Variants in CEP152 observed in about 807,000 individuals in gnomAD.
The protein encoded by CEP152 is centrosomal protein 152.
In CEP152, 132 loss-of-function variants were observed where a neutral mutation model predicts 188.9. That is an observed-to-expected ratio of 0.70 (90% CI 0.61 to 0.81). CEP152 has a LOEUF of 0.81. Among genes scored for constraint, CEP152 ranks in the 30% least tolerant of loss-of-function variants. CEP152 has a pLI of 0.00. For missense variants in CEP152, 1,914 were observed against 1,969.8 expected (o/e 0.97, Z 0.54); for synonymous variants, 649 against 666.6 (o/e 0.97, Z 0.41).
rs772184899 is a variant in CEP152, at chr15:48,784,007, C to G, written c.1287G>C (p.Glu429Asp). Residue 429 changes from glutamate (E) to aspartate (D), a missense_variant, in exon 10 of 27, where the codon GAG becomes GAC. Physicochemically the swap from Glu to Asp is conservative, Grantham distance 45. Transcript: ENST00000380950. ...ACAAGTGGGCACACTGCTTTTGACT[C>G]TCCTCTAGACTTCTTGTCAACTTAT... ...IINKLTRSLEESQKQCAHLLQ... is the reference protein window; with the variant it reads ...IINKLTRSLEDSQKQCAHLLQ... 4.3e-6 allele frequency: 7 copies of G among 1,613,674 alleles called. No homozygotes were observed. The highest frequency in any genetic ancestry group is 5.9e-6 in the Non-Finnish European group (7 of 1,179,922).
At chr15:48,804,706 TCTATTCAC>T in intron 2 of CEP152, among the ~76,000 whole-genome samples, 1 of 152,366 alleles carries the variant, frequency 6.6e-6, no homozygotes, top group East Asian at 1.9e-4. Flanking sequence ...CCTTCTATAA[TCTATTCAC>T]CATGCAGCCT....
chr15:48,764,161 G>C (rs1894893990), intron 17 of CEP152, among the ~76,000 whole-genome samples: 1 of 152,160 alleles, frequency 6.6e-6, no homozygotes, highest in Non-Finnish European at 1.5e-5. Flanking sequence ...TCTAAAGTTA[G>C]TACCACATTT....
At chr15:48,756,576 T>C in intron 19 of CEP152, 23 bp from the exon 20 acceptor site, 1 of 1,600,018 alleles carries the variant, frequency 6.2e-7, no homozygotes, top group Non-Finnish European at 8.5e-7. Context: ...ACAACATGCA[T>C]TTTGAAAGTC....
chr15:48,791,312 T>G lies in CEP152; in HGVS notation c.897A>C (p.Glu299Asp). The change falls in exon 8 of 27, where the codon GAA (glutamate) becomes GAC (aspartate). Residue 299 changes from glutamate (E) to aspartate (D), a missense_variant. Transcript: ENST00000380950. ...ESQKLFQNGK[E>D]REIQLEAQIK... ...TTTGAGCTTCAAGCTGTATCTCTCTTTCTTTTCCATTCTGAAAGAGTTTCT... is the reference window on the plus strand; with the variant it reads ...TTTGAGCTTCAAGCTGTATCTCTCTGTCTTTTCCATTCTGAAAGAGTTTCT... 1 of 1,613,000 alleles carries G rather than the reference T, an allele frequency of 6.2e-7. No individual in the cohort carries two copies. Among genetic ancestry groups the G allele is most frequent in the Non-Finnish European group, 8.5e-7 (1 of 1,179,696 alleles).
intron 19 of CEP152, among the ~76,000 whole-genome samples, chr15:48,758,654 G>A (rs1595620485): frequency 6.9e-6 from 1 of 145,926 alleles, no homozygotes; most frequent in East Asian, 2.1e-4. Flanking sequence ...AGGAGGTAGA[G>A]GTTGCAGTGA....
chr15:48,752,801 T>C (rs1893972753), intron 20 of CEP152, among the ~76,000 whole-genome samples: 2 of 152,202 alleles, frequency 1.3e-5, no homozygotes, highest in South Asian at 2.1e-4. Context: ...AAAGACAATA[T>C]AAAATCAGAA....
Position 48,748,458 on chromosome 15 carries a change from C to G in CEP152, c.3619G>C (p.Val1207Leu). The G allele has an allele frequency of 6.5e-7, 1 of 1,532,056 alleles. No homozygotes were observed. Among genetic ancestry groups the G allele is most frequent in the East Asian group, 2.4e-5 (1 of 40,844 alleles). 94.9% of individuals were successfully genotyped at this position (1,532,056 alleles called of 1,614,324 possible). A position where few individuals can be genotyped will look rare whatever the true frequency, so the allele number is the denominator to read the frequency against. ...QHLERKHKAV[V>L]EKIGEENNKV... is the part of the protein sequence containing the mutation. The stretch of plus-strand genomic sequence containing the variant: ...AAATGCTAACCTCCAATTTTTTCCA[C>G]TACAGCTTTGTGCTTCCTTTCTAAA... Residue 1207 changes from valine (V) to leucine (L), a missense_variant, in exon 22 of 27, where the codon GTG becomes CTG. Transcript: ENST00000380950.
At position 48,742,065 on chromosome 15, in the gene CEP152, G is replaced by A. The variant is rs367936668; in HGVS notation, c.3871C>T (p.Arg1291Ter). ...TCTGCTTTTACCATTTCTGCAGCTCGTTCCTTACTCTCCTGAATATAACGA... is the reference window on the plus strand; with the variant it reads ...TCTGCTTTTACCATTTCTGCAGCTCATTCCTTACTCTCCTGAATATAACGA... The part of the protein sequence containing the change: ...MLRYIQESKE[R>*]AAEMVKAEVL... The change falls in exon 25 of 27, where the codon CGA (arginine) becomes TGA (stop). Residue 1291 changes from arginine to a stop codon, truncating the protein, a stop_gained. Coordinates refer to ENST00000380950, the MANE Select transcript of CEP152 (RefSeq NM_001194998.2). LOFTEE classifies it high-confidence loss of function. 7 of 1,613,852 alleles carry A rather than the reference G, an allele frequency of 4.3e-6. No individual in the cohort carries two copies. The highest frequency in any genetic ancestry group is 4.0e-5 in the African/African-American group (3 of 74,856).
intron 12 of CEP152, among the ~76,000 whole-genome samples, chr15:48,777,350 A>T (rs1434513340): frequency 1.3e-5 from 2 of 152,112 alleles, no homozygotes; most frequent in African/African-American, 4.8e-5. Flanking sequence ...CTGTAAATTA[A>T]AAACTGTTCC....
chr15:48,774,059 A>G (rs535881360), intron 12 of CEP152, among the ~76,000 whole-genome samples: 24 of 151,888 alleles, frequency 1.6e-4, no homozygotes, highest in Non-Finnish European at 3.1e-4. Flanking sequence ...GAAGATACAG[A>G]AAAGACTCAA....
At chr15:48,751,775 T>C (rs1893891803) in intron 21 of CEP152, among the ~76,000 whole-genome samples, 1 of 152,192 alleles carries the variant, frequency 6.6e-6, no homozygotes, top group African/African-American at 2.4e-5. Flanking sequence ...ATAAGTCCTA[T>C]ACTCCTCAGT....
rs1467715886 is a variant in CEP152 at position 48,793,358 on chromosome 15, T to G, written c.795A>C (p.Gln265His). ...CAAGCTGGTGATTCAGATATCGAAT[T>G]TGACGTTCACTTTCATTTAACTTTT... is the stretch of plus-strand genomic sequence containing the variant. ...LIEKLNESERQIRYLNHQLVI... is the reference protein window; with the variant it reads ...LIEKLNESERHIRYLNHQLVI... Residue 265 changes from glutamine (Q) to histidine (H), a missense_variant, in exon 7 of 27, where the codon CAA (glutamine) becomes CAC (histidine). Coordinates refer to ENST00000380950, the MANE Select transcript of CEP152 (RefSeq NM_001194998.2). 6.2e-7 allele frequency: 1 copy of G among 1,613,948 alleles called. No homozygotes were observed. The highest frequency in any genetic ancestry group is 1.7e-5 in the Admixed American group (1 of 60,006).
In CEP152 at chr15:48,793,548, T is replaced by A. The variant is rs1595689983; in HGVS notation, c.692-87A>T. On this transcript the variant is annotated intron_variant, in intron 6 of 26. Transcript: ENST00000380950. ...AAAGCAGTGTTTTTCAAACTGTGAC[T>A]ACAACCTTTTAGAGCATCATGAAAT... The A allele has an allele frequency of 2.6e-6, 3 of 1,153,840 alleles. No homozygotes were observed. In the East Asian group the frequency reaches 7.6e-5, roughly 29 times the overall value. The allele number at this position is 1,153,840 out of a possible 1,614,324, so 71.5% of individuals were successfully genotyped here.
intron 10 of CEP152, among the ~76,000 whole-genome samples, chr15:48,783,600 T>G (rs1470794074): frequency 6.6e-6 from 1 of 152,112 alleles, no homozygotes; most frequent in East Asian, 1.9e-4. Flanking sequence ...CAGGACATTG[T>G]CTATGTGTGT....
chr15:48,769,785 T>C (rs998780904), intron 13 of CEP152, among the ~76,000 whole-genome samples: 6 of 152,222 alleles, frequency 3.9e-5, no homozygotes, highest in African/African-American at 1.4e-4. Flanking sequence ...CACGGACATA[T>C]ATTTTATTCA....
At chr15:48,782,070 T>G in intron 11 of CEP152, 69 bp downstream of exon 11, 8 of 1,408,438 alleles carry the variant, frequency 5.7e-6, no homozygotes, top group Non-Finnish European at 8.0e-6. Flanking sequence ...AACCCAAGAT[T>G]CAAAAAGGTG....
intron 2 of CEP152, among the ~76,000 whole-genome samples, chr15:48,732,274 G>C (rs1030714703): frequency 2.4e-4 from 37 of 152,130 alleles, no homozygotes; most frequent in African/African-American, 8.9e-4. Flanking sequence ...CAAAGACATG[G>C]AACCAACTCA....
At chr15:48,776,064 C>T (rs1895877997) in intron 12 of CEP152, among the ~76,000 whole-genome samples, 1 of 151,548 alleles carries the variant, frequency 6.6e-6, no homozygotes, top group South Asian at 2.1e-4. Context: ...AAATGATTGC[C>T]CTAATAGATA....
Position 48,756,507 on chromosome 15 carries a change from A to G in CEP152, c.2741T>C (p.Leu914Pro), listed in dbSNP as rs746266787. The G allele has an allele frequency of 1.9e-6, 3 of 1,610,680 alleles. No homozygotes were observed. The highest frequency in any genetic ancestry group is 4.5e-5 in the East Asian group (2 of 44,848). ...AAGTATATTTTTCCTCATATTTTCA[A>G]GCTCACTCTTCCATTTCTCTTTAGC... ...SEAKEKWKSE[L>P]ENMRKNILPG... Residue 914 changes from leucine (L) to proline (P), a missense_variant, in exon 20 of 27, where the codon CTT (leucine) becomes CCT (proline). By Grantham distance (98) the Leu-to-Pro change is moderately conservative. Coordinates refer to ENST00000380950, the MANE Select transcript of CEP152 (RefSeq NM_001194998.2).
Sources: gnomAD v4.1 joint callset for allele counts (sites outside exome capture counted in the v4.1 genomes callset) on GRCh38, gnomAD v4.1.1 for gene constraint, MANE v1.5 for transcripts, NCBI Gene and HGNC (gene_info 2026-07-23, HGNC 2026-07-21) for gene names.